The following SCARA5 variants were observed in gnomAD, a reference collection of about 807,000 sequenced individuals.
SCARA5 encodes scavenger receptor class A, member 5 (putative).
A neutral mutation model predicts 46.3 loss-of-function variants in SCARA5; 45 were observed. The ratio of observed to expected loss-of-function variants is 0.97; its 90% CI spans 0.76 to 1.24. SCARA5 has a LOEUF of 1.24. SCARA5 is among the 50% of genes most tolerant of loss of function. SCARA5 has a pLI of 0.00. For synonymous variants in SCARA5, 333 were observed against 306.5 expected (o/e 1.09, Z -0.90); for missense variants, 680 against 689.0 (o/e 0.99, Z 0.15).
intron 7 of SCARA5, among the ~76,000 whole-genome samples, chr8:27,891,196 T>C (rs1806974731): frequency 1.6e-5 from 1 of 63,666 alleles, no homozygotes; most frequent in Non-Finnish European, 4.6e-5. Context: ...CTACAATAGG[T>C]TTGTTTTTTT....
intron 2 of SCARA5, among the ~76,000 whole-genome samples, chr8:27,979,849 C>A (rs1034001696): frequency 1.3e-5 from 2 of 152,174 alleles, no homozygotes; most frequent in African/African-American, 4.8e-5. Flanking sequence ...GTGTGAGTCA[C>A]CATGCCTGGC....
chr8:27,892,981 G>A (rs76343883), intron 7 of SCARA5, among the ~76,000 whole-genome samples: 8,947 of 152,178 alleles, frequency 0.059, 318 homozygotes, highest in South Asian at 0.1. Flanking sequence ...GGCACCTAAC[G>A]TGAGGTCTCA....
chr8:27,937,785 G>T (rs1393235256), intron 3 of SCARA5, among the ~76,000 whole-genome samples: 1 of 152,124 alleles, frequency 6.6e-6, no homozygotes, highest in Non-Finnish European at 1.5e-5. Context: ...CTCCCACAGT[G>T]CTTCCTCTGT....
chr8:27,878,307 C>T (rs576084393), intron 8 of SCARA5, among the ~76,000 whole-genome samples: 4 of 152,184 alleles, frequency 2.6e-5, no homozygotes, highest in Non-Finnish European at 5.9e-5. Flanking sequence ...ACACCAAGAC[C>T]CAGAATGCAG....
intron 2 of SCARA5, among the ~76,000 whole-genome samples, chr8:27,968,497 T>C (rs543691327): frequency 1.4e-4 from 21 of 152,346 alleles, no homozygotes; most frequent in African/African-American, 4.6e-4. Flanking sequence ...TGCTCCTAAA[T>C]ATGTAGGCTC....
chr8:27,907,211 C>T lies in SCARA5; in HGVS notation c.1033G>A (p.Gly345Arg), dbSNP rs766178509. Residue 345 changes from glycine (G) to arginine (R), a missense_variant, in exon 6 of 9, where the codon GGG becomes AGG. This residue lies in a region of SCARA5 where 219 missense variants were observed against 269.5 expected (regional missense o/e 0.81). Coordinates refer to ENST00000354914, the MANE Select transcript of SCARA5 (RefSeq NM_173833.6). ...PGERGTPGLP[G>R]PKGDDGKLGA... ...AGCTTCCCATCATCGCCCTTGGGCC[C>T]GGGCAATCCTGGGGTACCTCTCTCC... The T allele has an allele frequency of 9.3e-6, 15 of 1,613,494 alleles. No homozygotes were observed. Among genetic ancestry groups the T allele is most frequent in the South Asian group, 6.6e-5 (6 of 90,952 alleles).
At position 27,901,285 on chromosome 8, in the gene SCARA5, A is replaced by AACGGC. The variant is rs1364702934; in HGVS notation, c.1153+3488_1153+3492dup. Among the ~76,000 whole-genome samples, 70 of 152,178 alleles carry AACGGC rather than the reference A, an allele frequency of 4.6e-4. 1 individual carries two copies. Among genetic ancestry groups the AACGGC allele is most frequent in the African/African-American group, 1.6e-3 (67 of 41,544 alleles). On this transcript the variant is annotated intron_variant, in intron 7 of 8. Coordinates refer to ENST00000354914, the MANE Select transcript of SCARA5 (RefSeq NM_173833.6). The stretch of plus-strand genomic sequence containing the variant: ...GCTGGAACTTCAGGTCTTTGCTGCT[A>AACGGC]ACGGCACGGGCTTCAGAGGTGTTTG...
chr8:27,979,593 G>A (rs1331483636), intron 2 of SCARA5, among the ~76,000 whole-genome samples: 1 of 148,982 alleles, frequency 6.7e-6, no homozygotes, highest in Non-Finnish European at 1.5e-5. Flanking sequence ...GTACTCCGTT[G>A]CCCAGGCTGG....
intron 7 of SCARA5, chr8:27,904,329 G>A (rs1348971640): frequency 4.8e-6 from 1 of 209,446 alleles, no homozygotes; most frequent in Admixed American, 5.7e-5. Flanking sequence ...TGTCTGAGTG[G>A]GTGTATTACA....
intron 8 of SCARA5, among the ~76,000 whole-genome samples, chr8:27,872,988 C>T (rs538086797): frequency 6.6e-6 from 1 of 152,130 alleles, no homozygotes; most frequent in African/African-American, 2.4e-5. Context: ...GGATCATTCC[C>T]GGAGGAATTT....
intron 2 of SCARA5, among the ~76,000 whole-genome samples, chr8:27,969,529 G>A (rs374204946): frequency 6.6e-6 from 1 of 152,154 alleles, no homozygotes; most frequent in South Asian, 2.1e-4. Context: ...CGGAGCACGG[G>A]GGATTTTCAG....
chr8:27,920,141 G>A (rs946263106), intron 4 of SCARA5, among the ~76,000 whole-genome samples: 8 of 151,918 alleles, frequency 5.3e-5, no homozygotes, highest in African/African-American at 1.5e-4. Context: ...CCCACAGCAC[G>A]AGTACAATGG....
At chr8:27,933,087 T>A (rs1807802721) in intron 3 of SCARA5, among the ~76,000 whole-genome samples, 1 of 152,232 alleles carries the variant, frequency 6.6e-6, no homozygotes, top group South Asian at 2.1e-4. Context: ...GGGATACAGT[T>A]CAGCCCATAG....
intron 7 of SCARA5, among the ~76,000 whole-genome samples, chr8:27,899,578 C>T (rs1807117874): frequency 6.6e-6 from 1 of 152,226 alleles, no homozygotes; most frequent in Non-Finnish European, 1.5e-5. Context: ...AAAGGGCCAC[C>T]AGGGACAGCC....
intron 7 of SCARA5, among the ~76,000 whole-genome samples, chr8:27,884,400 G>A (rs1004190521): frequency 3.9e-5 from 6 of 152,236 alleles, no homozygotes; most frequent in African/African-American, 1.4e-4. Flanking sequence ...CACCAAGAGG[G>A]ACCCGGCCGC....
chr8:27,894,189 T>C (rs969623909), intron 7 of SCARA5, among the ~76,000 whole-genome samples: 2 of 152,240 alleles, frequency 1.3e-5, no homozygotes, highest in Non-Finnish European at 2.9e-5. Context: ...AGTTAGTTAT[T>C]ACAGCTCATT....
In SCARA5 at chr8:27,886,610, C is replaced by T. The variant is rs566886347; in HGVS notation, c.1154-6844G>A. Among the ~76,000 whole-genome samples, 8 of 152,296 alleles carry T rather than the reference C, an allele frequency of 5.3e-5. No individual in the cohort carries two copies. In the South Asian group the frequency reaches 1.7e-3, roughly 32 times the overall value. ...GGCAGGAGCCTTTCCCAGAGCTGAG[C>T]AATGAGGCCACCTCCAGCAACACAC... is the stretch of plus-strand genomic sequence containing the variant. On this transcript the variant is annotated intron_variant, in intron 7 of 8. Transcript: ENST00000354914.
intron 3 of SCARA5, among the ~76,000 whole-genome samples, chr8:27,965,149 G>A (rs1269253215): frequency 6.6e-6 from 1 of 152,180 alleles, no homozygotes. Flanking sequence ...CCACCCCAAT[G>A]TCTTTGCCCT....
At chr8:27,940,925 T>C (rs1807935565) in intron 3 of SCARA5, among the ~76,000 whole-genome samples, 1 of 152,178 alleles carries the variant, frequency 6.6e-6, no homozygotes, top group South Asian at 2.1e-4. Flanking sequence ...TAGAGTATTT[T>C]GCATTATTAG....
Sources: gnomAD v4.1 joint callset for allele counts (sites outside exome capture counted in the v4.1 genomes callset) on GRCh38, gnomAD v4.1.1 for gene constraint, gnomAD v4.1.1 regional missense constraint, MANE v1.5 for transcripts, NCBI Gene and HGNC (gene_info 2026-07-23, HGNC 2026-07-21) for gene names.